INPP5F: variants seen among roughly 807,000 people sequenced by gnomAD.
INPP5F encodes inositol polyphosphate-5-phosphatase F.
A neutral mutation model predicts 137.2 loss-of-function variants in INPP5F; 97 were observed. The observed-to-expected ratio is 0.71, with a 90% CI of 0.60 to 0.84. INPP5F has a LOEUF of 0.84. Ranked by LOEUF, INPP5F falls within the 40% of genes least tolerant of loss-of-function variation. The pLI is 0.00. For missense variants in INPP5F, 1,271 were observed against 1,371.9 expected (o/e 0.93, Z 1.16); for synonymous variants, 504 against 476.9 (o/e 1.06, Z -0.74).
intron 10 of INPP5F, 121 bp downstream of exon 10, chr10:119,804,418 AAAAGGGTATCATTCATTTACTT>A (rs1284997438): frequency 8.0e-5 from 68 of 848,080 alleles, no homozygotes; most frequent in Middle Eastern, 4.8e-4. Context: ...GTTGGAAAGA[AAAAGGGTATCATTCATTTACTT>A]TGTTTTAATT....
intron 3 of INPP5F, among the ~76,000 whole-genome samples, chr10:119,788,130 G>A (rs906455606): frequency 3.3e-5 from 5 of 152,178 alleles, no homozygotes; most frequent in African/African-American, 1.2e-4. Flanking sequence ...AGTGGGTGGT[G>A]CAGTCATTAC....
intron 15 of INPP5F, 97 bp downstream of exon 15, chr10:119,812,052 G>T: frequency 1.1e-6 from 1 of 941,572 alleles, no homozygotes. Flanking sequence ...CTGTGGGCAT[G>T]GATGCATGGC....
chr10:119,803,871 C>T (rs1850677274), intron 9 of INPP5F, among the ~76,000 whole-genome samples: 1 of 152,114 alleles, frequency 6.6e-6, no homozygotes, highest in Non-Finnish European at 1.5e-5. Context: ...AAAATATTTG[C>T]TGTTACAAAG....
chr10:119,799,687 A>G (rs928407043), intron 9 of INPP5F, among the ~76,000 whole-genome samples: 1 of 152,224 alleles, frequency 6.6e-6, no homozygotes, highest in African/African-American at 2.4e-5. Flanking sequence ...TAAATTAAAC[A>G]TACTTATACT....
chr10:119,784,818 C>A (rs1039755104), intron 3 of INPP5F, among the ~76,000 whole-genome samples: 2 of 152,158 alleles, frequency 1.3e-5, no homozygotes, highest in Non-Finnish European at 2.9e-5. Flanking sequence ...CATCATCCCC[C>A]GAAAAAACCC....
intron 1 of INPP5F, among the ~76,000 whole-genome samples, chr10:119,743,188 C>A (rs868387778): frequency 6.6e-6 from 1 of 152,170 alleles, no homozygotes; most frequent in Admixed American, 6.5e-5. Flanking sequence ...TCTGTGATGA[C>A]TTTAGCTTTT....
At chr10:119,769,331 C>G (rs935092089) in intron 2 of INPP5F, among the ~76,000 whole-genome samples, 2 of 152,090 alleles carry the variant, frequency 1.3e-5, no homozygotes, top group East Asian at 1.9e-4. Context: ...CAGTGTCTCA[C>G]TATGCTGCCC....
intron 13 of INPP5F, among the ~76,000 whole-genome samples, chr10:119,808,452 T>C (rs1184500993): frequency 1.3e-5 from 2 of 152,242 alleles, no homozygotes; most frequent in Non-Finnish European, 2.9e-5. Context: ...ATCCCAACCC[T>C]GCTTCTTAAC....
intron 1 of INPP5F, among the ~76,000 whole-genome samples, chr10:119,741,525 TATTA>T (rs1397728810): frequency 6.6e-6 from 1 of 152,154 alleles, no homozygotes; most frequent in African/African-American, 2.4e-5. Context: ...TATTTTTATT[TATTA>T]ATTTTAATTT....
intron 2 of INPP5F, among the ~76,000 whole-genome samples, chr10:119,767,124 A>AAAAAAAG (rs1554887164): frequency 6.7e-6 from 1 of 149,380 alleles, no homozygotes; most frequent in Non-Finnish European, 1.5e-5. Context: ...AAAAAAAAAA[A>AAAAAAAG]AAAAAAAAAC....
In INPP5F at chr10:119,827,053, G is replaced by C; in HGVS notation, c.2672G>C (p.Ser891Thr). 6.2e-7 allele frequency: 1 copy of C among 1,614,140 alleles called. No individual in the cohort carries two copies. Among genetic ancestry groups the C allele is most frequent in the Non-Finnish European group, 8.5e-7 (1 of 1,180,012 alleles). The change falls in exon 20 of 20, where the codon AGT becomes ACT. Residue 891 changes from serine (S) to threonine (T), a missense_variant. Ser to Thr is a moderately conservative substitution (Grantham distance 58). Transcript: ENST00000650623. The stretch of plus-strand genomic sequence containing the variant: ...GGGCCAATAGATTACGTTCTTCCTA[G>C]TTGTGGTATTATTGCCTCAGCGCCT... ...SVGPIDYVLPSCGIIASAPRL... is the reference protein window; with the variant it reads ...SVGPIDYVLPTCGIIASAPRL...
chr10:119,773,718 A>T (rs1040536289), intron 2 of INPP5F, among the ~76,000 whole-genome samples: 27 of 151,860 alleles, frequency 1.8e-4, no homozygotes, highest in African/African-American at 6.3e-4. Flanking sequence ...CTCTGTCTCC[A>T]ATGTTGGGTT....
rs149483687 is a variant in INPP5F, at chr10:119,755,466, C to G, written c.178+4310C>G. Among the ~76,000 whole-genome samples the G allele has an allele frequency of 3.3e-3, 507 of 152,306 alleles. 1 individual carries two copies. Among genetic ancestry groups the G allele is most frequent in the Non-Finnish European group, 5.9e-3 (398 of 68,026 alleles). Reference sequence around the variant, plus strand: ...TAAACTCACTTTAACCTAATTACCCCCTTCGAAGACCCTGTCTCTAAATAT... The same window carrying G: ...TAAACTCACTTTAACCTAATTACCCGCTTCGAAGACCCTGTCTCTAAATAT... On this transcript the variant is annotated intron_variant, in intron 2 of 19. Coordinates refer to ENST00000650623, the MANE Select transcript of INPP5F (RefSeq NM_014937.4).
At chr10:119,814,464 T>C (rs1183079207) in intron 15 of INPP5F, 2 of 152,180 alleles carry the variant, frequency 1.3e-5, no homozygotes, top group Non-Finnish European at 2.9e-5. Context: ...ACACGTAACT[T>C]ATCATCAGTC....
At chr10:119,736,257 T>G (rs1432789635) in intron 1 of INPP5F, among the ~76,000 whole-genome samples, 1 of 152,366 alleles carries the variant, frequency 6.6e-6, no homozygotes, top group African/African-American at 2.4e-5. Context: ...TGGTTGTTAC[T>G]TTCAGGTTCT....
chr10:119,756,033 G>A (rs1405703828), intron 2 of INPP5F, among the ~76,000 whole-genome samples: 1 of 152,058 alleles, frequency 6.6e-6, no homozygotes, highest in Non-Finnish European at 1.5e-5. Context: ...GCACACACCT[G>A]TAATCCCAGC....
At chr10:119,795,526 T>C (rs969206615) in intron 6 of INPP5F, among the ~76,000 whole-genome samples, 2 of 146,020 alleles carry the variant, frequency 1.4e-5, no homozygotes, top group Non-Finnish European at 3.0e-5. Context: ...TGATGGCGGC[T>C]GGGAAGAGGC....
chr10:119,749,454 C>G (rs1231728746), intron 1 of INPP5F, among the ~76,000 whole-genome samples: 1 of 152,212 alleles, frequency 6.6e-6, no homozygotes, highest in Non-Finnish European at 1.5e-5. Context: ...GAAGTTGTCT[C>G]TGGGTGGTGG....
chr10:119,771,999 G>A (rs550016085), intron 2 of INPP5F, among the ~76,000 whole-genome samples: 22 of 141,736 alleles, frequency 1.6e-4, no homozygotes, highest in African/African-American at 5.6e-4. Context: ...GGGTTCACAC[G>A]CCATTCTCCT....
Sources: gnomAD v4.1 joint callset for allele counts (sites outside exome capture counted in the v4.1 genomes callset) on GRCh38, gnomAD v4.1.1 for gene constraint, MANE v1.5 for transcripts, NCBI Gene and HGNC (gene_info 2026-07-23, HGNC 2026-07-21) for gene names.